The following SERPINA1 variants were observed in gnomAD, a reference collection of about 807,000 sequenced individuals.
The protein encoded by SERPINA1 is serpin family A member 1.
In SERPINA1, 21 loss-of-function variants were observed where a neutral mutation model predicts 25.4. The ratio of observed to expected loss-of-function variants is 0.83; its 90% CI spans 0.59 to 1.19. The LOEUF is 1.19. Ranked by LOEUF, SERPINA1 falls within the 50% of genes most tolerant of loss-of-function variation. The pLI is 0.00. For missense variants in SERPINA1, 546 were observed against 509.0 expected, an observed-to-expected ratio of 1.07 and a Z score of -0.70; for synonymous variants, 218 against 211.1, an observed-to-expected ratio of 1.03 and a Z score of -0.29.
chr14:94,384,468 G>T (rs1170452789), intron 1 of SERPINA1, among the ~76,000 whole-genome samples: 1 of 152,140 alleles, frequency 6.6e-6, no homozygotes, highest in South Asian at 2.1e-4. Flanking sequence ...GAGTGGTGGG[G>T]CCTGTGGCTG....
chr14:94,379,217 G>C, intron 4 of SERPINA1: 1 of 610,408 alleles, frequency 1.6e-6, no homozygotes, highest in Non-Finnish European at 2.9e-6. Context: ...GGGCAAAGTT[G>C]AAATTCAGGG....
chr14:94,386,973 A>T (rs1233284619), intron 1 of SERPINA1, among the ~76,000 whole-genome samples: 1 of 152,348 alleles, frequency 6.6e-6, no homozygotes, highest in East Asian at 1.9e-4. Context: ...AAGAGCATTA[A>T]ATAACTCACT....
chr14:94,383,327 G>T, intron 1 of SERPINA1, 86 bp from the exon 2 acceptor site: 2 of 1,437,706 alleles, frequency 1.4e-6, no homozygotes, highest in Non-Finnish European at 9.5e-7. Flanking sequence ...ACGTGGAAGT[G>T]CCTAGGGATT....
Position 94,381,126 on chromosome 14 carries a change from G to T in SERPINA1, c.662C>A (p.Pro221His), listed in dbSNP as rs368117781. Residue 221 changes from proline (P) to histidine (H), a missense_variant, in exon 3 of 5, where the codon CCC (proline) becomes CAC (histidine). Transcript: ENST00000393087. ...TTCCTCGGTGTCCTTGACTTCAAAG[G>T]GTCTCTCCCATTTGCCTGGAGAGAG... is the stretch of plus-strand genomic sequence containing the variant. ...YIFFKGKWERPFEVKDTEEED... is the reference protein window; with the variant it reads ...YIFFKGKWERHFEVKDTEEED... 3 of 1,612,502 alleles carry T rather than the reference G, an allele frequency of 1.9e-6. No individual in the cohort carries two copies. The African/African-American group carries it at 4.0e-5, about 22-fold the overall frequency.
At position 94,382,851 on chromosome 14, in the gene SERPINA1, C is replaced by G; in HGVS notation, c.387G>C (p.Gln129His). The change falls in exon 2 of 5, where the codon CAG (glutamine) becomes CAC (histidine). Residue 129 changes from glutamine to histidine, a missense_variant. Physicochemically the swap from Gln to His is conservative, Grantham distance 24. Transcript: ENST00000393087. The stretch of plus-strand genomic sequence containing the variant: ...TGGTCAGCTGGAGCTGGCTGTCTGG[C>G]TGGTTGAGGGTACGGAGGAGTTCCT... ...GFQELLRTLN[Q>H]PDSQLQLTTG... 6.2e-7 allele frequency: 1 copy of G among 1,614,196 alleles called. No individual in the cohort carries two copies. The highest frequency in any genetic ancestry group is 8.5e-7 in the Non-Finnish European group (1 of 1,180,030).
In SERPINA1 at chr14:94,383,049, G is replaced by A. The variant is rs1566758278; in HGVS notation, c.189C>T (p.Arg63=). 1.9e-6 allele frequency: 3 copies of A among 1,613,372 alleles called. No homozygotes were observed. Among genetic ancestry groups the A allele is most frequent in the East Asian group, 4.5e-5 (2 of 44,854 alleles). Residue 63 remains arginine, a synonymous_variant, in exon 2 of 5, where the codon CGC becomes CGT. Coordinates refer to ENST00000393087, the MANE Select transcript of SERPINA1 (RefSeq NM_000295.5). ...NLAEFAFSLY[R]QLAHQSNSTN... Reference sequence around the variant, plus strand: ...TGCTGTTGGACTGGTGTGCCAGCTGGCGGTATAGGCTGAAGGCGAACTCAG... The same window carrying A: ...TGCTGTTGGACTGGTGTGCCAGCTGACGGTATAGGCTGAAGGCGAACTCAG...
Position 94,382,785 on chromosome 14 carries a change from C to T in SERPINA1, c.453G>A (p.Val151=), listed in dbSNP as rs1419638250. Residue 151 remains valine (V), a synonymous_variant, in exon 2 of 5, where the codon GTG becomes GTA. Coordinates refer to ENST00000393087, the MANE Select transcript of SERPINA1 (RefSeq NM_000295.5). ...TTTTAACATCCTCCAAAAACTTATCCACTAGCTTCAGGCCCTCGCTGAGGA... is the reference window on the plus strand; with the variant it reads ...TTTTAACATCCTCCAAAAACTTATCTACTAGCTTCAGGCCCTCGCTGAGGA... ...GLFLSEGLKL[V]DKFLEDVKKL... 3.7e-6 allele frequency: 6 copies of T among 1,614,118 alleles called. No homozygotes were observed. The highest frequency in any genetic ancestry group is 3.3e-5 in the Admixed American group (2 of 60,012).
At chr14:94,381,795 G>T (rs949236899) in intron 2 of SERPINA1, among the ~76,000 whole-genome samples, 1 of 152,222 alleles carries the variant, frequency 6.6e-6, no homozygotes, top group African/African-American at 2.4e-5. Flanking sequence ...CAGGACTTTA[G>T]CTGTGCTGAC....
Position 94,382,928 on chromosome 14 carries a change from G to A in SERPINA1, c.310C>T (p.Leu104=). 1 of 1,611,818 alleles carries A rather than the reference G, an allele frequency of 6.2e-7. No homozygotes were observed. The highest frequency in any genetic ancestry group is 8.5e-7 in the Non-Finnish European group (1 of 1,178,224). ...GGAATCTCCGTGAGGTTGAAATTCA[G>A]GCCCTCCAGGATTTCATCGTGAGTG... ...ADTHDEILEG[L]NFNLTEIPEA... The change falls in exon 2 of 5, where the codon CTG becomes TTG. Residue 104 remains leucine (L), a synonymous_variant. Coordinates refer to ENST00000393087, the MANE Select transcript of SERPINA1 (RefSeq NM_000295.5).
chr14:94,381,614 A>G (rs1340368126), intron 2 of SERPINA1, among the ~76,000 whole-genome samples: 4 of 152,202 alleles, frequency 2.6e-5, no homozygotes, highest in Admixed American at 1.3e-4. Context: ...GGCAGGGGAA[A>G]TGCAGATGCC....
chr14:94,379,037 T>C (rs537152578), intron 4 of SERPINA1: 6 of 525,290 alleles, frequency 1.1e-5, no homozygotes, highest in African/African-American at 9.7e-5. Flanking sequence ...CAGTTGTTCA[T>C]TGGTCGCCTT....
upstream of SERPINA1, chr14:94,388,678 C>T (rs533409962): frequency 2.0e-5 from 3 of 152,498 alleles, no homozygotes; most frequent in Admixed American, 2.0e-4. Flanking sequence ...TGAATATTAA[C>T]CAAGGTCACC....
intron 1 of SERPINA1, chr14:94,383,490 G>A (rs1897106874): frequency 1.8e-6 from 1 of 571,394 alleles, no homozygotes; most frequent in Non-Finnish European, 3.1e-6. Flanking sequence ...AATCCCGTGA[G>A]GTGCTAATGC....
chr14:94,382,548 G>T, intron 2 of SERPINA1, 44 bp downstream of exon 2: 3 of 1,612,184 alleles, frequency 1.9e-6, no homozygotes, highest in South Asian at 1.1e-5. Flanking sequence ...GAATATTTTT[G>T]CTTGTTTCTA....
chr14:94,386,225 A>C (rs1296817790), intron 1 of SERPINA1, among the ~76,000 whole-genome samples: 6 of 152,238 alleles, frequency 3.9e-5, no homozygotes, highest in African/African-American at 1.4e-4. Flanking sequence ...CACTGAGGCC[A>C]AGCTTTAAAC....
In SERPINA1 at chr14:94,382,700, G is replaced by A. The variant is rs864622051; in HGVS notation, c.538C>T (p.Gln180Ter). 1 of 1,614,236 alleles carries A rather than the reference G, an allele frequency of 6.2e-7. No individual in the cohort carries two copies. Among genetic ancestry groups the A allele is most frequent in the East Asian group, 2.2e-5 (1 of 44,886 alleles). The change falls in exon 2 of 5, where the codon CAG (glutamine) becomes TAG (stop). Residue 180 changes from glutamine to a stop codon, truncating the protein, a stop_gained. Coordinates refer to ENST00000393087, the MANE Select transcript of SERPINA1 (RefSeq NM_000295.5). LOFTEE classifies it high-confidence loss of function. ...NFGDTEEAKK[Q>*]INDYVEKGTQ... ...CCCTTCTCCACGTAATCGTTGATCT[G>A]TTTCTTGGCCTCTTCGGTGTCCCCG...
intron 1 of SERPINA1, among the ~76,000 whole-genome samples, chr14:94,384,936 A>G (rs1191723252): frequency 6.6e-6 from 1 of 152,226 alleles, no homozygotes. Context: ...GGAACAGACC[A>G]CACATTACAT....
intron 2 of SERPINA1, among the ~76,000 whole-genome samples, chr14:94,381,442 T>C (rs957590507): frequency 6.6e-6 from 1 of 152,194 alleles, no homozygotes; most frequent in Non-Finnish European, 1.5e-5. Flanking sequence ...ATATGTTTAT[T>C]TGAGGGTGTC....
At chr14:94,384,481 C>G (rs931145925) in intron 1 of SERPINA1, among the ~76,000 whole-genome samples, 1 of 152,122 alleles carries the variant, frequency 6.6e-6, no homozygotes, top group Non-Finnish European at 1.5e-5. Flanking sequence ...TGTGGCTGAA[C>G]CAGCGAGAGC....
Sources: gnomAD v4.1 joint callset for allele counts (sites outside exome capture counted in the v4.1 genomes callset) on GRCh38, gnomAD v4.1.1 for gene constraint, MANE v1.5 for transcripts, NCBI Gene and HGNC (gene_info 2026-07-23, HGNC 2026-07-21) for gene names.